Variants in EXOC6B observed in about 807,000 individuals in gnomAD.
EXOC6B encodes the protein exocyst complex component 6B.
EXOC6B carries 54 observed loss-of-function variants against 113.5 expected under a neutral mutation model. That is an observed-to-expected ratio of 0.48 (90% CI 0.38 to 0.60). The LOEUF is 0.60. Among genes scored for constraint, EXOC6B ranks in the 20% least tolerant of loss-of-function variants. The probability of loss-of-function intolerance (pLI) is 0.00; values close to 1 mark genes in which losing one functional copy is unlikely to be tolerated. For missense variants in EXOC6B, 797 were observed against 977.5 expected, an observed-to-expected ratio of 0.82 and a Z score of 2.46; for synonymous variants, 357 against 339.0, an observed-to-expected ratio of 1.05 and a Z score of -0.58.
chr2:72,554,379 C>T (rs772660050), intron 8 of EXOC6B, among the ~76,000 whole-genome samples: 2 of 152,252 alleles, frequency 1.3e-5, no homozygotes, highest in African/African-American at 2.4e-5. Context: ...TGTCCCCAAC[C>T]AAATCTCACC....
intron 1 of EXOC6B, among the ~76,000 whole-genome samples, chr2:72,755,341 C>G (rs1184988526): frequency 6.6e-6 from 1 of 152,088 alleles, no homozygotes; most frequent in African/African-American, 2.4e-5. Flanking sequence ...TGAAAGGGTA[C>G]TACGGTGAAC....
intron 20 of EXOC6B, among the ~76,000 whole-genome samples, chr2:72,322,301 A>G (rs1392163753): frequency 3.3e-5 from 5 of 152,218 alleles, no homozygotes; most frequent in African/African-American, 4.8e-5. Context: ...ATTATGCTGA[A>G]TCAAAGAAGC....
intron 19 of EXOC6B, among the ~76,000 whole-genome samples, chr2:72,360,660 A>T (rs994975801): frequency 6.6e-6 from 1 of 152,152 alleles, no homozygotes; most frequent in Non-Finnish European, 1.5e-5. Flanking sequence ...CATCTCAGGA[A>T]TCTAAGGAAA....
At chr2:72,440,218 T>C (rs1365836995) in intron 18 of EXOC6B, among the ~76,000 whole-genome samples, 1 of 152,116 alleles carries the variant, frequency 6.6e-6, no homozygotes, top group Non-Finnish European at 1.5e-5. Context: ...TGTGCTGTGC[T>C]GGGGTCCATT....
intron 6 of EXOC6B, among the ~76,000 whole-genome samples, chr2:72,653,970 ATTTT>A (rs58589218): frequency 6.6e-5 from 9 of 136,412 alleles, no homozygotes; most frequent in Non-Finnish European, 9.5e-5. Context: ...AATTTTATTT[ATTTT>A]TTTTTTTTTT....
intron 20 of EXOC6B, among the ~76,000 whole-genome samples, chr2:72,331,286 G>A (rs1482112915): frequency 2.0e-5 from 3 of 152,012 alleles, no homozygotes; most frequent in Non-Finnish European, 4.4e-5. Flanking sequence ...GTACACAGTA[G>A]GCACTTAGAC....
At chr2:72,316,468 G>C (rs942242856) in intron 20 of EXOC6B, among the ~76,000 whole-genome samples, 2 of 152,142 alleles carry the variant, frequency 1.3e-5, no homozygotes, top group African/African-American at 4.8e-5. Context: ...TTCCAGGGCT[G>C]TGACCTCTGC....
intron 8 of EXOC6B, among the ~76,000 whole-genome samples, chr2:72,536,951 T>C (rs769837581): frequency 6.6e-6 from 1 of 152,236 alleles, no homozygotes; most frequent in Non-Finnish European, 1.5e-5. Context: ...CAGCACTTCA[T>C]TTATGTCCTT....
chr2:72,361,539 C>T (rs991616045), intron 19 of EXOC6B, among the ~76,000 whole-genome samples: 1 of 152,106 alleles, frequency 6.6e-6, no homozygotes, highest in Non-Finnish European at 1.5e-5. Flanking sequence ...ATTAATTATA[C>T]GGAACTGGAG....
At chr2:72,706,839 C>A (rs868398300) in intron 6 of EXOC6B, among the ~76,000 whole-genome samples, 1 of 152,164 alleles carries the variant, frequency 6.6e-6, no homozygotes, top group African/African-American at 2.4e-5. Flanking sequence ...GCTTTGACCA[C>A]TATAACACGA....
intron 1 of EXOC6B, among the ~76,000 whole-genome samples, chr2:72,749,534 C>T (rs1163902495): frequency 1.3e-5 from 2 of 151,792 alleles, no homozygotes; most frequent in African/African-American, 4.8e-5. Context: ...TGCAGTTTTG[C>T]CACTACTTTT....
chr2:72,445,405 G>A (rs990524192), intron 18 of EXOC6B, among the ~76,000 whole-genome samples: 21 of 152,204 alleles, frequency 1.4e-4, no homozygotes, highest in African/African-American at 5.1e-4. Context: ...CAGTTCCAAA[G>A]TTGCTTCCAC....
At chr2:72,621,141 C>T (rs1184952368) in intron 6 of EXOC6B, among the ~76,000 whole-genome samples, 11 of 152,112 alleles carry the variant, frequency 7.2e-5, no homozygotes, top group Admixed American at 7.2e-4. Context: ...ACATCAATTC[C>T]ATTACTGGGT....
chr2:72,669,432 T>C (rs1261933129), intron 6 of EXOC6B, among the ~76,000 whole-genome samples: 1 of 150,472 alleles, frequency 6.6e-6, no homozygotes, highest in Non-Finnish European at 1.5e-5. Context: ...TTTTCAGAGT[T>C]TTTTTTTTAC....
intron 18 of EXOC6B, among the ~76,000 whole-genome samples, chr2:72,430,327 T>C (rs1695448406): frequency 1.3e-5 from 2 of 152,158 alleles, no homozygotes; most frequent in African/African-American, 2.4e-5. Flanking sequence ...TAAAAAGATG[T>C]AACTGTAAAA....
At chr2:72,657,919 T>A (rs1481212453) in intron 6 of EXOC6B, among the ~76,000 whole-genome samples, 1 of 151,662 alleles carries the variant, frequency 6.6e-6, no homozygotes, top group Non-Finnish European at 1.5e-5. Context: ...CAGTGGTCAC[T>A]TCTAAGTATT....
At chr2:72,264,342 G>A (rs756202985) in intron 20 of EXOC6B, among the ~76,000 whole-genome samples, 18 of 152,138 alleles carry the variant, frequency 1.2e-4, no homozygotes, top group Non-Finnish European at 2.2e-4. Flanking sequence ...AGACCGAGGC[G>A]GGCAGATCAC....
At chr2:72,521,358 A>G (rs1243069313) in intron 8 of EXOC6B, among the ~76,000 whole-genome samples, 1 of 152,124 alleles carries the variant, frequency 6.6e-6, no homozygotes, top group Non-Finnish European at 1.5e-5. Context: ...AAATTACCCA[A>G]TCTGTGGTAT....
At chr2:72,208,275 C>T (rs1679958472) in intron 20 of EXOC6B, among the ~76,000 whole-genome samples, 1 of 151,710 alleles carries the variant, frequency 6.6e-6, no homozygotes, top group African/African-American at 2.4e-5. Context: ...GTCTGTTGTT[C>T]CCATCTTTAT....
Sources: allele counts gnomAD v4.1 joint callset (sites outside exome capture counted in the v4.1 genomes callset), GRCh38; gene constraint gnomAD v4.1.1; transcripts MANE v1.5; gene names NCBI Gene and HGNC (gene_info 2026-07-23, HGNC 2026-07-21).